Variants in SCAF4 observed in about 807,000 individuals in gnomAD.
The protein encoded by SCAF4 is SR-related and CTD-associated factor 4.
A neutral mutation model predicts 129.8 loss-of-function variants in SCAF4; 25 were observed. The observed-to-expected ratio is 0.19, with a 90% CI of 0.14 to 0.27. SCAF4 has a LOEUF of 0.27. SCAF4 is among the 10% of genes least tolerant of loss of function. The pLI is 1.00. For synonymous variants in SCAF4, 551 were observed against 497.7 expected (o/e 1.11, Z -1.43); for missense variants, 1,246 against 1,457.1 (o/e 0.86, Z 2.36).
chr21:31,710,591 GAAC>G (rs1268774939), intron 1 of SCAF4, among the ~76,000 whole-genome samples: 3 of 152,056 alleles, frequency 2.0e-5, no homozygotes, highest in African/African-American at 7.2e-5. Flanking sequence ...CAAAACAGAA[GAAC>G]AACATACATA....
At chr21:31,706,579 A>C (rs1802850393) in intron 1 of SCAF4, 1 of 517,766 alleles carries the variant, frequency 1.9e-6, no homozygotes, top group Non-Finnish European at 3.4e-6. Flanking sequence ...AGCTCTGCCA[A>C]AGGGGTGGCG....
chr21:31,717,894 T>TAC (rs1380741334), intron 1 of SCAF4, among the ~76,000 whole-genome samples: 29 of 107,380 alleles, frequency 2.7e-4, no homozygotes, highest in Middle Eastern at 4.3e-3. Flanking sequence ...TACACATATA[T>TAC]ACACATATAT....
chr21:31,685,880 T>C, intron 16 of SCAF4, 147 bp from the exon 17 acceptor site: 1 of 737,842 alleles, frequency 1.4e-6, no homozygotes, highest in Non-Finnish European at 2.2e-6. Flanking sequence ...CAGGTGGTAG[T>C]TAACTTCTAT....
At chr21:31,689,485 T>C (rs1334881423) in intron 15 of SCAF4, among the ~76,000 whole-genome samples, 1 of 149,968 alleles carries the variant, frequency 6.7e-6, no homozygotes, top group African/African-American at 2.4e-5. Flanking sequence ...TTTTTTTGTA[T>C]TTTTAGTAAA....
intron 12 of SCAF4, 151 bp downstream of exon 12, chr21:31,693,143 T>C (rs2050299586): frequency 1.7e-6 from 1 of 605,946 alleles, no homozygotes; most frequent in Non-Finnish European, 2.5e-6. Context: ...TATACATCAA[T>C]GAATAAACAA....
chr21:31,673,181 A>G (rs779753704), intron 19 of SCAF4, among the ~76,000 whole-genome samples: 74 of 152,162 alleles, frequency 4.9e-4, no homozygotes, highest in Non-Finnish European at 9.6e-4. Context: ...TCATACTGAT[A>G]TAAGAGTCAC....
At chr21:31,723,704 C>T (rs563887079) in intron 1 of SCAF4, among the ~76,000 whole-genome samples, 3 of 151,834 alleles carry the variant, frequency 2.0e-5, no homozygotes, top group African/African-American at 7.2e-5. Context: ...ATGATTATTT[C>T]TGAAAATAAT....
At chr21:31,717,904 TACAC>T (rs35191665) in intron 1 of SCAF4, among the ~76,000 whole-genome samples, 12,745 of 117,766 alleles carry the variant, frequency 0.11, 673 homozygotes, top group East Asian at 0.19. Flanking sequence ...TACACATATA[TACAC>T]ACACACACAC....
intron 19 of SCAF4, chr21:31,684,777 G>T: frequency 2.2e-6 from 1 of 450,168 alleles, no homozygotes; most frequent in Non-Finnish European, 4.0e-6. Flanking sequence ...ACCAAATAAG[G>T]ATGTGAAGAT....
intron 19 of SCAF4, among the ~76,000 whole-genome samples, chr21:31,673,352 C>T (rs1383250715): frequency 6.6e-6 from 1 of 152,164 alleles, no homozygotes; most frequent in Non-Finnish European, 1.5e-5. Flanking sequence ...GTTCCAGGTA[C>T]TGTTAAGAAC....
intron 3 of SCAF4, 29 bp from the exon 4 acceptor site, chr21:31,703,955 C>A (rs1179811130): frequency 3.5e-6 from 5 of 1,414,900 alleles, no homozygotes; most frequent in Non-Finnish European, 4.8e-6. Flanking sequence ...AAGATCAGTA[C>A]AGAAAAAGCA....
At chr21:31,730,466 G>C (rs1384042822) in intron 1 of SCAF4, among the ~76,000 whole-genome samples, 1 of 152,134 alleles carries the variant, frequency 6.6e-6, no homozygotes, top group Non-Finnish European at 1.5e-5. Context: ...AGTGTAATTG[G>C]AAAGTCCCAT....
chr21:31,726,121 C>T (rs2051197417), intron 1 of SCAF4, among the ~76,000 whole-genome samples: 1 of 151,720 alleles, frequency 6.6e-6, no homozygotes, highest in African/African-American at 2.4e-5. Context: ...TCTCGGCTCA[C>T]TGCAAGCTCC....
At chr21:31,715,872 C>A (rs556939954) in intron 1 of SCAF4, among the ~76,000 whole-genome samples, 2 of 152,238 alleles carry the variant, frequency 1.3e-5, no homozygotes, top group South Asian at 4.1e-4. Flanking sequence ...ATATACAATA[C>A]CTTTCTGAAA....
intron 12 of SCAF4, 111 bp from the exon 13 acceptor site, chr21:31,692,560 A>T (rs573902656): frequency 1.5e-6 from 1 of 648,346 alleles, no homozygotes; most frequent in South Asian, 2.2e-5. Flanking sequence ...TTACAACACC[A>T]CAAGTTTAAA....
At chr21:31,690,761 T>A (rs369611518) in intron 15 of SCAF4, 36 bp downstream of exon 15, 1 of 1,585,926 alleles carries the variant, frequency 6.3e-7, no homozygotes, top group Non-Finnish European at 8.6e-7. Flanking sequence ...ACCAAGCAAA[T>A]AAGTGAACTG....
chr21:31,701,985 C>T, intron 5 of SCAF4, 67 bp from the exon 6 acceptor site: 2 of 1,555,860 alleles, frequency 1.3e-6, no homozygotes, highest in Non-Finnish European at 1.7e-6. Flanking sequence ...AATTAAGCTT[C>T]TTTGCTAAAA....
intron 3 of SCAF4, among the ~76,000 whole-genome samples, chr21:31,704,532 C>CAAA (rs531735168): frequency 3.0e-4 from 38 of 125,166 alleles, no homozygotes; most frequent in African/African-American, 1.0e-3. Flanking sequence ...GGAATTTATG[C>CAAA]AAAAAAAAAA....
At chr21:31,680,552 T>G (rs2049972133) in intron 19 of SCAF4, among the ~76,000 whole-genome samples, 2 of 152,160 alleles carry the variant, frequency 1.3e-5, no homozygotes, top group Non-Finnish European at 2.9e-5. Context: ...GGTACCAAAT[T>G]AAATACCTGA....
Sources: gnomAD v4.1 joint callset for allele counts (sites outside exome capture counted in the v4.1 genomes callset) on GRCh38, gnomAD v4.1.1 for gene constraint, MANE v1.5 for transcripts, NCBI Gene and HGNC (gene_info 2026-07-23, HGNC 2026-07-21) for gene names.